Variants in FOCAD observed in about 807,000 individuals in gnomAD.
FOCAD encodes focadhesin, also known as KIAA1797.
A neutral mutation model predicts 225.6 loss-of-function variants in FOCAD; 198 were observed. The ratio of observed to expected loss-of-function variants is 0.88; its 90% CI spans 0.78 to 0.99. FOCAD has a LOEUF of 0.99. FOCAD is among the 50% of genes least tolerant of loss of function. The pLI, the probability that FOCAD is intolerant of heterozygous loss-of-function variation, is 0.00. For synonymous variants in FOCAD, 897 were observed against 755.0 expected, an observed-to-expected ratio of 1.19 and a Z score of -3.08; for missense variants, 2,713 against 2,123.6, an observed-to-expected ratio of 1.28 and a Z score of -5.46.
intron 2 of FOCAD, among the ~76,000 whole-genome samples, chr9:20,673,224 A>G (rs1822128867): frequency 6.6e-6 from 1 of 152,158 alleles, no homozygotes; most frequent in Non-Finnish European, 1.5e-5. Context: ...TAATGCTGCT[A>G]TGAACATTTT....
chr9:20,876,665 T>A (rs1830252401), intron 19 of FOCAD, among the ~76,000 whole-genome samples: 1 of 152,234 alleles, frequency 6.6e-6, no homozygotes. Context: ...ACTGTCACCA[T>A]GGACATTTTT....
At chr9:20,882,731 T>C (rs1343179418) in intron 20 of FOCAD, among the ~76,000 whole-genome samples, 1 of 152,036 alleles carries the variant, frequency 6.6e-6, no homozygotes, top group East Asian at 1.9e-4. Context: ...GGAGCAAGAG[T>C]GACACAACTC....
At chr9:20,804,588 G>A (rs74355761) in intron 11 of FOCAD, among the ~76,000 whole-genome samples, 3,916 of 151,642 alleles carry the variant, frequency 0.026, 60 homozygotes, top group Middle Eastern at 0.048. Context: ...CCTTCTAATC[G>A]GATGAATTGT....
intron 4 of FOCAD, among the ~76,000 whole-genome samples, chr9:20,739,956 A>G (rs1485090741): frequency 6.6e-6 from 1 of 152,124 alleles, no homozygotes; most frequent in Non-Finnish European, 1.5e-5. Context: ...GCTTGAAATT[A>G]TGTGGGCTAA....
intron 4 of FOCAD, among the ~76,000 whole-genome samples, chr9:20,723,395 G>T (rs972523305): frequency 3.3e-5 from 5 of 152,232 alleles, no homozygotes; most frequent in African/African-American, 7.2e-5. Context: ...GGCTGAGGCA[G>T]GAGAATCACT....
chr9:20,663,496 CACA>C (rs1821798306), intron 2 of FOCAD, among the ~76,000 whole-genome samples: 7 of 151,768 alleles, frequency 4.6e-5, no homozygotes, highest in South Asian at 2.1e-4. Flanking sequence ...CACACACACA[CACA>C]CACACACATA....
chr9:20,937,662 G>C (rs1748954276), intron 28 of FOCAD, among the ~76,000 whole-genome samples: 1 of 152,112 alleles, frequency 6.6e-6, no homozygotes, highest in Non-Finnish European at 1.5e-5. Flanking sequence ...TCAGGACATA[G>C]GCATGGGCAA....
At chr9:20,911,648 C>T (rs575461151) in intron 22 of FOCAD, among the ~76,000 whole-genome samples, 1 of 152,210 alleles carries the variant, frequency 6.6e-6, no homozygotes, top group Non-Finnish European at 1.5e-5. Context: ...TGCTTTAATA[C>T]CACAAGATAT....
intron 35 of FOCAD, among the ~76,000 whole-genome samples, chr9:20,968,920 C>A (rs1274691948): frequency 2.0e-5 from 3 of 152,010 alleles, no homozygotes; most frequent in African/African-American, 7.3e-5. Context: ...CTGTAGATGT[C>A]CCCCAGTATA....
At chr9:20,759,693 A>G (rs1458106096) in intron 6 of FOCAD, among the ~76,000 whole-genome samples, 1 of 152,244 alleles carries the variant, frequency 6.6e-6, no homozygotes. Flanking sequence ...ATTTTCTTTT[A>G]AAGAGTAAAA....
At chr9:20,662,433 G>A (rs1025313852) in intron 2 of FOCAD, among the ~76,000 whole-genome samples, 3 of 152,100 alleles carry the variant, frequency 2.0e-5, no homozygotes, top group Non-Finnish European at 4.4e-5. Flanking sequence ...AGAGAAGCAA[G>A]GGAATAAAGA....
intron 10 of FOCAD, among the ~76,000 whole-genome samples, chr9:20,784,111 A>G (rs987493253): frequency 2.6e-5 from 4 of 152,150 alleles, no homozygotes; most frequent in Non-Finnish European, 5.9e-5. Flanking sequence ...GGCCTACTGG[A>G]TGATATAGTC....
chr9:20,857,451 C>A (rs991857913), intron 15 of FOCAD, among the ~76,000 whole-genome samples: 1 of 151,896 alleles, frequency 6.6e-6, no homozygotes, highest in Non-Finnish European at 1.5e-5. Flanking sequence ...ATTTTGTATT[C>A]TGTGACTTTC....
intron 2 of FOCAD, among the ~76,000 whole-genome samples, chr9:20,660,738 G>A (rs780881926): frequency 1.3e-5 from 2 of 152,126 alleles, no homozygotes; most frequent in Non-Finnish European, 2.9e-5. Context: ...GGAGAAAGCT[G>A]GTAGCCCCAG....
At chr9:20,798,872 A>G (rs968552500) in intron 11 of FOCAD, among the ~76,000 whole-genome samples, 1 of 151,422 alleles carries the variant, frequency 6.6e-6, no homozygotes, top group Non-Finnish European at 1.5e-5. Flanking sequence ...GATCTTAGTT[A>G]TTTCTTGCCT....
intron 4 of FOCAD, among the ~76,000 whole-genome samples, chr9:20,739,629 A>T (rs1397901653): frequency 6.6e-6 from 1 of 152,146 alleles, no homozygotes; most frequent in East Asian, 1.9e-4. Context: ...TTACTTTTTA[A>T]ATTTAACAAA....
intron 39 of FOCAD, 65 bp from the exon 40 acceptor site, chr9:20,986,223 G>C: frequency 7.4e-7 from 1 of 1,352,094 alleles, no homozygotes; most frequent in Admixed American, 3.0e-5. Flanking sequence ...CCCTTGCCCT[G>C]AAATTCTGTA....
At chr9:20,874,612 GA>G in intron 18 of FOCAD, 68 bp from the exon 19 acceptor site, 1 of 1,526,928 alleles carries the variant, frequency 6.5e-7, no homozygotes, top group Non-Finnish European at 8.9e-7. Context: ...CACAAAAAAG[GA>G]TACAGAAAAG....
At chr9:20,765,720 T>C (rs1468918760) in intron 7 of FOCAD, among the ~76,000 whole-genome samples, 1 of 152,168 alleles carries the variant, frequency 6.6e-6, no homozygotes, top group Non-Finnish European at 1.5e-5. Context: ...AGTCATTGTC[T>C]CTATAACTGC....
Sources: allele counts gnomAD v4.1 joint callset (sites outside exome capture counted in the v4.1 genomes callset), GRCh38; gene constraint gnomAD v4.1.1; transcripts MANE v1.5; gene names NCBI Gene and HGNC (gene_info 2026-07-23, HGNC 2026-07-21).